NAA35: variants seen among roughly 807,000 people sequenced by gnomAD.
NAA35 encodes the protein MAK10 homolog, amino-acid N-acetyltransferase subunit.
In NAA35, 18 loss-of-function variants were observed where a neutral mutation model predicts 101.7. That is an observed-to-expected ratio of 0.18 (90% CI 0.12 to 0.26). The LOEUF is 0.26. Among genes scored for constraint, NAA35 ranks in the 10% least tolerant of loss-of-function variants. The pLI, the probability that NAA35 is intolerant of heterozygous loss-of-function variation, is 1.00. For synonymous variants in NAA35, 267 were observed against 273.1 expected (o/e 0.98, Z 0.22); for missense variants, 601 against 886.8 (o/e 0.68, Z 4.09).
intron 2 of NAA35, among the ~76,000 whole-genome samples, chr9:85,955,360 A>ATATATATATATATTTT (rs749448250): frequency 1.9e-5 from 1 of 53,932 alleles, no homozygotes; most frequent in Non-Finnish European, 3.0e-5. Context: ...ATATATATAT[A>ATATATATATATATTTT]TTTTTTTTTT....
chr9:85,989,546 C>T (rs1022687717), intron 11 of NAA35, among the ~76,000 whole-genome samples: 3 of 152,070 alleles, frequency 2.0e-5, no homozygotes, highest in Non-Finnish European at 4.4e-5. Flanking sequence ...TACACCCATT[C>T]CAAAGGTCTT....
rs754597389 is a variant in NAA35 at position 86,009,853 on chromosome 9, G to A, written c.1224-12G>A. The A allele has an allele frequency of 1.9e-6, 3 of 1,602,362 alleles. No individual in the cohort carries two copies. Among genetic ancestry groups the A allele is most frequent in the East Asian group, 4.5e-5 (2 of 44,704 alleles). On this transcript the variant is annotated splice_polypyrimidine_tract_variant and intron_variant, in intron 14 of 22. Coordinates refer to ENST00000361671, the MANE Select transcript of NAA35 (RefSeq NM_024635.4). Reference sequence around the variant, plus strand: ...CTGAATAGATTTTAATGATGTGACTGTTATCTTGCAGGTGCTACCTATATA... The same window carrying A: ...CTGAATAGATTTTAATGATGTGACTATTATCTTGCAGGTGCTACCTATATA...
At chr9:85,958,775 T>G (rs1829383479) in intron 4 of NAA35, among the ~76,000 whole-genome samples, 189 bp downstream of exon 4, 1 of 152,220 alleles carries the variant, frequency 6.6e-6, no homozygotes, top group African/African-American at 2.4e-5. Flanking sequence ...CATTAAAATC[T>G]TGCTCTAAAT....
At chr9:85,960,101 A>AAG (rs1253315113) in intron 5 of NAA35, among the ~76,000 whole-genome samples, 2 of 152,254 alleles carry the variant, frequency 1.3e-5, no homozygotes, top group Non-Finnish European at 2.9e-5. Flanking sequence ...AGATAATATT[A>AAG]TAGCCGTGGT....
In NAA35 at chr9:85,996,942, CT is replaced by C. The variant is rs896987513; in HGVS notation, c.1056+377del. 2.3e-3 allele frequency among the ~76,000 whole-genome samples: 331 copies of C among 144,362 alleles called. 1 individual carries two copies. Among genetic ancestry groups the C allele is most frequent in the Middle Eastern group, 7.1e-3 (2 of 282 alleles). The allele number at this position is 144,362 out of a possible 152,430, so 94.7% of individuals were successfully genotyped here. On this transcript the variant is annotated intron_variant, in intron 12 of 22. Transcript: ENST00000361671. ...TCTTGGCTCAAAGTGAACTTAAACT[CT>C]TTTTTTTTTTTAATTTTTTTTGTGG...
chr9:85,957,103 T>A (rs144084009), intron 3 of NAA35, among the ~76,000 whole-genome samples: 10 of 152,280 alleles, frequency 6.6e-5, no homozygotes, highest in Admixed American at 2.0e-4. Context: ...ACGTATAACC[T>A]TTGACTCCCC....
At chr9:85,961,958 G>A (rs780055757) in intron 5 of NAA35, 55 bp from the exon 6 acceptor site, 11 of 1,428,758 alleles carry the variant, frequency 7.7e-6, no homozygotes, top group Admixed American at 2.3e-5. Context: ...GATCAATTTA[G>A]ACTTTGCAGA....
At chr9:86,018,465 C>A in intron 20 of NAA35, 70 bp downstream of exon 20, 1 of 1,501,546 alleles carries the variant, frequency 6.7e-7, no homozygotes, top group Non-Finnish European at 9.0e-7. Flanking sequence ...GCTGTTTGTA[C>A]CTAGCCATCT....
chr9:85,995,293 ATTAT>A (rs1189939411), intron 11 of NAA35, among the ~76,000 whole-genome samples: 2 of 149,904 alleles, frequency 1.3e-5, no homozygotes, highest in South Asian at 2.1e-4. Context: ...ATTTAAAATA[ATTAT>A]TTAAATTATT....
At chr9:86,021,370 ATGTTATAT>A (rs1832543465) in intron 22 of NAA35, among the ~76,000 whole-genome samples, 1 of 152,202 alleles carries the variant, frequency 6.6e-6, no homozygotes, top group Non-Finnish European at 1.5e-5. Flanking sequence ...TTTCTTGGTA[ATGTTATAT>A]CATCCATGCT....
chr9:85,955,313 T>C (rs1232192074), intron 2 of NAA35, among the ~76,000 whole-genome samples: 1 of 142,394 alleles, frequency 7.0e-6, no homozygotes, highest in Admixed American at 7.1e-5. Flanking sequence ...CCACAGGATT[T>C]AGCCATCTAT....
chr9:86,014,360 A>G (rs1832099854), intron 17 of NAA35: 2 of 982,986 alleles, frequency 2.0e-6, no homozygotes, highest in Non-Finnish European at 2.4e-6. Flanking sequence ...TTGATAAAAG[A>G]TGATCTTCGG....
chr9:85,964,209 A>G (rs537638979), intron 6 of NAA35, among the ~76,000 whole-genome samples: 138 of 151,904 alleles, frequency 9.1e-4, no homozygotes, highest in African/African-American at 3.2e-3. Context: ...CACAAAGAAC[A>G]TATGATTCGT....
intron 11 of NAA35, among the ~76,000 whole-genome samples, chr9:85,992,957 A>T (rs1830981963): frequency 6.6e-6 from 1 of 152,210 alleles, no homozygotes; most frequent in Admixed American, 6.5e-5. Flanking sequence ...AAAAGAAAAA[A>T]GCTTACCTCA....
chr9:85,942,039 C>G (rs944342531), intron 1 of NAA35, 116 bp from the exon 2 acceptor site: 2 of 1,446,092 alleles, frequency 1.4e-6, no homozygotes, highest in African/African-American at 2.9e-5. Context: ...CAGAAGAGTT[C>G]TGCTTTAAAG....
In NAA35 at chr9:85,985,803, C is replaced by CTT. The variant is rs547259080; in HGVS notation, c.877+7423_877+7424insTT. Reference sequence around the variant, plus strand: ...AAATCACTAGAGAAATGATTTCAGACTGGGGGGAAATGGTTTTTAATGTTG... The same window carrying CTT: ...AAATCACTAGAGAAATGATTTCAGACTTTGGGGGGAAATGGTTTTTAATGTTG... On this transcript the variant is annotated intron_variant, in intron 11 of 22. Transcript: ENST00000361671. Among the ~76,000 whole-genome samples the CTT allele has an allele frequency of 2.9e-3, 439 of 152,220 alleles. 5 individuals carry two copies. In the South Asian group the frequency reaches 0.034, roughly 12 times the overall value.
chr9:85,941,262 C>A lies in NAA35; in HGVS notation c.-17C>A. On this transcript the variant is annotated 5_prime_UTR_variant, in exon 1 of 23. Coordinates refer to ENST00000361671, the MANE Select transcript of NAA35 (RefSeq NM_024635.4). Reference sequence around the variant, plus strand: ...CAGTGCGTGGCGGCGCGGGTGACCACGGGAGAAGTAGGTAGGGACCGCCCC... The same window carrying A: ...CAGTGCGTGGCGGCGCGGGTGACCAAGGGAGAAGTAGGTAGGGACCGCCCC... 5.1e-6 allele frequency: 5 copies of A among 985,802 alleles called. No homozygotes were observed. Among genetic ancestry groups the A allele is most frequent in the Non-Finnish European group, 4.8e-6 (4 of 830,218 alleles). The allele number at this position is 985,802 out of a possible 1,614,324, so 61.1% of individuals were successfully genotyped here. A position where few individuals can be genotyped will look rare whatever the true frequency, so the allele number is the denominator to read the frequency against.
intron 21 of NAA35, among the ~76,000 whole-genome samples, chr9:86,020,192 G>A (rs1428459399): frequency 1.3e-5 from 2 of 152,148 alleles, no homozygotes; most frequent in Non-Finnish European, 2.9e-5. Flanking sequence ...GAAGCAGAGT[G>A]CCTGGAAGAG....
intron 21 of NAA35, 58 bp downstream of exon 21, chr9:86,018,879 A>G (rs1832374688): frequency 6.3e-7 from 1 of 1,578,996 alleles, no homozygotes; most frequent in Non-Finnish European, 8.6e-7. Flanking sequence ...TACATCTCTT[A>G]CTGCTGGATG....
Sources: allele counts gnomAD v4.1 joint callset (sites outside exome capture counted in the v4.1 genomes callset), GRCh38; gene constraint gnomAD v4.1.1; transcripts MANE v1.5; gene names NCBI Gene and HGNC (gene_info 2026-07-23, HGNC 2026-07-21).